The following BRINP3 variants were observed in gnomAD, a reference collection of about 807,000 sequenced individuals.
BRINP3 encodes the protein BMP/retinoic acid-inducible neural-specific protein 3.
A neutral mutation model predicts 71.0 loss-of-function variants in BRINP3; 19 were observed. The observed-to-expected ratio is 0.27, with a 90% CI of 0.19 to 0.39. BRINP3 has a LOEUF of 0.39. Ranked by LOEUF, BRINP3 falls within the 10% of genes least tolerant of loss-of-function variation. The pLI is 1.00. For synonymous variants in BRINP3, 380 were observed against 337.7 expected (o/e 1.13, Z -1.37); for missense variants, 959 against 940.8 (o/e 1.02, Z -0.25).
chr1:190,156,534 A>G (rs1656878909), intron 7 of BRINP3, among the ~76,000 whole-genome samples: 2 of 151,506 alleles, frequency 1.3e-5, no homozygotes, highest in African/African-American at 4.8e-5. Context: ...TGTTTTCCTG[A>G]TGTCATTTCA....
At chr1:190,406,289 G>A (rs1392993055) in intron 2 of BRINP3, among the ~76,000 whole-genome samples, 1 of 152,114 alleles carries the variant, frequency 6.6e-6, no homozygotes, top group Non-Finnish European at 1.5e-5. Flanking sequence ...ATCTCACTGA[G>A]AAATCAGCAA....
intron 2 of BRINP3, among the ~76,000 whole-genome samples, chr1:190,405,178 A>G (rs1372700790): frequency 2.6e-5 from 4 of 152,222 alleles, no homozygotes; most frequent in African/African-American, 4.8e-5. Context: ...GTGGCCGGGC[A>G]CAGTGGCTCA....
At chr1:190,287,044 C>A (rs912123649) in intron 2 of BRINP3, among the ~76,000 whole-genome samples, 1 of 150,398 alleles carries the variant, frequency 6.6e-6, no homozygotes, top group African/African-American at 2.5e-5. Flanking sequence ...CATGGTGAAA[C>A]CCTGTCTCTA....
chr1:190,315,334 G>A (rs997744798), intron 2 of BRINP3, among the ~76,000 whole-genome samples: 9 of 152,048 alleles, frequency 5.9e-5, no homozygotes, highest in Non-Finnish European at 8.8e-5. Context: ...AAGCTGTGGT[G>A]TTCCCAAGGA....
intron 2 of BRINP3, among the ~76,000 whole-genome samples, chr1:190,284,777 G>A (rs1663292765): frequency 6.6e-6 from 1 of 151,798 alleles, no homozygotes; most frequent in South Asian, 2.1e-4. Context: ...AAAACAAAAA[G>A]AAAGAAACTC....
intron 2 of BRINP3, among the ~76,000 whole-genome samples, chr1:190,301,154 CA>C (rs1345544541): frequency 9.2e-6 from 1 of 108,662 alleles, no homozygotes; most frequent in African/African-American, 3.4e-5. Context: ...TACACACATA[CA>C]TATATATATA....
intron 7 of BRINP3, among the ~76,000 whole-genome samples, chr1:190,101,269 T>G (rs1571696433): frequency 6.6e-6 from 1 of 152,164 alleles, no homozygotes; most frequent in East Asian, 1.9e-4. Context: ...ATGCCCAGTG[T>G]GTTGTGAAAT....
At chr1:190,248,882 A>G (rs775379355) in intron 4 of BRINP3, among the ~76,000 whole-genome samples, 2 of 151,756 alleles carry the variant, frequency 1.3e-5, no homozygotes, top group Non-Finnish European at 2.9e-5. Context: ...TTTATTTGTA[A>G]CAATTCTCCA....
chr1:190,452,958 C>G (rs1675718920), intron 2 of BRINP3, among the ~76,000 whole-genome samples: 1 of 152,110 alleles, frequency 6.6e-6, no homozygotes, highest in African/African-American at 2.4e-5. Context: ...GCACCTTAGA[C>G]CTCCAGATAG....
chr1:190,284,331 T>G (rs922802982), intron 2 of BRINP3, among the ~76,000 whole-genome samples: 10 of 152,042 alleles, frequency 6.6e-5, no homozygotes, highest in Non-Finnish European at 1.5e-4. Context: ...AAGAAAATAT[T>G]GTTTACTCTT....
intron 7 of BRINP3, among the ~76,000 whole-genome samples, chr1:190,115,015 T>A (rs1196481843): frequency 6.6e-6 from 1 of 152,208 alleles, no homozygotes; most frequent in Non-Finnish European, 1.5e-5. Context: ...TTCCCTACTT[T>A]ATTTTCTTGT....
intron 1 of BRINP3, among the ~76,000 whole-genome samples, chr1:190,457,687 G>C (rs1484314263): frequency 1.3e-5 from 2 of 152,118 alleles, no homozygotes; most frequent in South Asian, 4.1e-4. Flanking sequence ...ATACTGGTAT[G>C]AAGCCATGCC....
intron 2 of BRINP3, among the ~76,000 whole-genome samples, chr1:190,308,059 T>C (rs1233239851): frequency 6.6e-6 from 1 of 151,928 alleles, no homozygotes; most frequent in East Asian, 1.9e-4. Flanking sequence ...TAAACATATA[T>C]CAAAGGAGTC....
intron 3 of BRINP3, among the ~76,000 whole-genome samples, chr1:190,275,814 CTT>C (rs1662505858): frequency 6.6e-6 from 1 of 151,504 alleles, no homozygotes; most frequent in Admixed American, 6.6e-5. Flanking sequence ...ACATTTTGCT[CTT>C]GTTTATTCTT....
intron 6 of BRINP3, among the ~76,000 whole-genome samples, chr1:190,188,678 A>G (rs1225887100): frequency 2.7e-5 from 4 of 150,800 alleles, no homozygotes; most frequent in African/African-American, 4.9e-5. Flanking sequence ...TGTTTGGATT[A>G]TCTCATATCC....
chr1:190,241,893 T>G (rs1043411553), intron 4 of BRINP3, among the ~76,000 whole-genome samples: 2 of 151,694 alleles, frequency 1.3e-5, no homozygotes, highest in African/African-American at 4.8e-5. Flanking sequence ...ATATTTTCCC[T>G]TCATTTCTCA....
intron 2 of BRINP3, among the ~76,000 whole-genome samples, chr1:190,401,542 G>A (rs1671930503): frequency 6.6e-6 from 1 of 151,996 alleles, no homozygotes; most frequent in Non-Finnish European, 1.5e-5. Flanking sequence ...GCATCACCAG[G>A]AGCTTAATAA....
chr1:190,357,661 T>C (rs1402614867), intron 2 of BRINP3, among the ~76,000 whole-genome samples: 1 of 151,984 alleles, frequency 6.6e-6, no homozygotes, highest in African/African-American at 2.4e-5. Context: ...GGATCCTTTA[T>C]GGTTCCATAT....
intron 2 of BRINP3, among the ~76,000 whole-genome samples, chr1:190,302,950 T>C (rs1245329563): frequency 1.3e-5 from 2 of 151,816 alleles, no homozygotes; most frequent in African/African-American, 4.8e-5. Flanking sequence ...ACATTTATAG[T>C]TGTGTTTCAC....
Sources: allele counts gnomAD v4.1 joint callset (sites outside exome capture counted in the v4.1 genomes callset), GRCh38; gene constraint gnomAD v4.1.1; transcripts MANE v1.5; gene names NCBI Gene and HGNC (gene_info 2026-07-23, HGNC 2026-07-21).